The following CNTNAP2 variants were observed in gnomAD, a reference collection of about 807,000 sequenced individuals.
CNTNAP2 encodes contactin-associated protein-like 2.
In CNTNAP2, 98 loss-of-function variants were observed where a neutral mutation model predicts 155.2. The observed-to-expected ratio is 0.63, with a 90% confidence interval of 0.54 to 0.75. The LOEUF (loss-of-function observed/expected upper bound fraction) is 0.75, where lower values mean the gene tolerates loss of function less well. Among genes scored for constraint, CNTNAP2 ranks in the 30% least tolerant of loss-of-function variants. The pLI, the probability that CNTNAP2 is intolerant of heterozygous loss-of-function variation, is 0.00. For synonymous variants in CNTNAP2, 651 were observed against 631.2 expected (o/e 1.03, Z -0.47); for missense variants, 1,727 against 1,688.1 (o/e 1.02, Z -0.40).
chr7:147,315,576 G>C (rs1795213004), intron 9 of CNTNAP2, among the ~76,000 whole-genome samples: 1 of 150,332 alleles, frequency 6.7e-6, no homozygotes. Context: ...CCGCCTCCCG[G>C]GTTCACGCCA....
Position 147,044,015 on chromosome 7 carries a change from C to A in CNTNAP2, c.511C>A (p.Arg171Ser). 1.2e-6 allele frequency: 2 copies of A among 1,614,130 alleles called. No individual in the cohort carries two copies. Among genetic ancestry groups the A allele is most frequent in the Non-Finnish European group, 1.7e-6 (2 of 1,180,004 alleles). The change falls in exon 4 of 24, where the codon CGC becomes AGC. Residue 171 changes from arginine (R) to serine (S), a missense_variant. Coordinates refer to ENST00000361727, the MANE Select transcript of CNTNAP2 (RefSeq NM_014141.6). The part of the protein sequence containing the change: ...IVPLDWNGEG[R>S]IGLRIEVYGC... ...GCCTCTGGATTGGAATGGAGAAGGT[C>A]GCATTGGACTCAGAATTGAAGTTTA...
intron 19 of CNTNAP2, among the ~76,000 whole-genome samples, chr7:148,221,274 C>T (rs1437542044): frequency 6.6e-6 from 1 of 152,194 alleles, no homozygotes; most frequent in Admixed American, 6.5e-5. Context: ...CTGCACAACT[C>T]TATGAAGTAG....
intron 13 of CNTNAP2, among the ~76,000 whole-genome samples, chr7:147,696,618 T>C (rs1297231916): frequency 1.3e-5 from 2 of 152,156 alleles, no homozygotes; most frequent in Non-Finnish European, 2.9e-5. Flanking sequence ...TATGTAGATC[T>C]AGTTTCTGAC....
intron 1 of CNTNAP2, among the ~76,000 whole-genome samples, chr7:146,754,211 A>G (rs969913006): frequency 4.6e-5 from 7 of 152,008 alleles, no homozygotes; most frequent in Non-Finnish European, 1.0e-4. Flanking sequence ...CTCAAATGCT[A>G]TTTCTTCCAG....
rs573326859 is a variant in CNTNAP2 at position 148,147,225 on chromosome 7, T to A, written c.2555-266T>A. ...AGTCTCCTTATCTGGAGAGGGTCAATGATGGTCACATCTTGGAAGGCTTCT... is the reference window on the plus strand; with the variant it reads ...AGTCTCCTTATCTGGAGAGGGTCAAAGATGGTCACATCTTGGAAGGCTTCT... On this transcript the variant is annotated intron_variant, in intron 16 of 23. Coordinates refer to ENST00000361727, the MANE Select transcript of CNTNAP2 (RefSeq NM_014141.6). Among the ~76,000 whole-genome samples, 6 of 152,314 alleles carry A rather than the reference T, an allele frequency of 3.9e-5. No homozygotes were observed. In the East Asian group the frequency reaches 1.2e-3, roughly 29 times the overall value.
intron 9 of CNTNAP2, among the ~76,000 whole-genome samples, chr7:147,394,026 G>C (rs1320719271): frequency 6.6e-6 from 1 of 152,008 alleles, no homozygotes; most frequent in African/African-American, 2.4e-5. Context: ...TGGTTTGGCT[G>C]TGTCTCCACC....
At chr7:146,854,370 T>C (rs956748280) in intron 3 of CNTNAP2, among the ~76,000 whole-genome samples, 3 of 152,226 alleles carry the variant, frequency 2.0e-5, no homozygotes, top group Non-Finnish European at 4.4e-5. Flanking sequence ...TTATGTGTGC[T>C]TTTTTCCTAT....
At chr7:146,284,184 T>C (rs1028311770) in intron 1 of CNTNAP2, among the ~76,000 whole-genome samples, 4 of 152,192 alleles carry the variant, frequency 2.6e-5, no homozygotes, top group Non-Finnish European at 5.9e-5. Context: ...ATAGAAGCAT[T>C]ATTTTTCAAA....
chr7:146,387,220 T>G (rs1393174493), intron 1 of CNTNAP2, among the ~76,000 whole-genome samples: 1 of 152,168 alleles, frequency 6.6e-6, no homozygotes, highest in Non-Finnish European at 1.5e-5. Context: ...CTTTTGGGCT[T>G]TAACTTTTCT....
chr7:148,286,581 C>A (rs1797087243), intron 21 of CNTNAP2, among the ~76,000 whole-genome samples: 1 of 141,366 alleles, frequency 7.1e-6, no homozygotes, highest in African/African-American at 2.6e-5. Context: ...TTATAGAAGT[C>A]AAACCCTAAA....
intron 13 of CNTNAP2, among the ~76,000 whole-genome samples, chr7:147,692,474 A>G (rs1796101388): frequency 1.3e-5 from 2 of 152,098 alleles, no homozygotes; most frequent in Non-Finnish European, 2.9e-5. Flanking sequence ...ATTTTCACCA[A>G]CAATAATAAG....
intron 10 of CNTNAP2, among the ~76,000 whole-genome samples, chr7:147,441,842 T>TCTCC (rs1554485009): frequency 1.2e-4 from 14 of 114,488 alleles, no homozygotes; most frequent in African/African-American, 4.4e-4. Flanking sequence ...TCTCTCTCTC[T>TCTCC]CTCTCTCTCC....
chr7:147,640,880 T>C (rs1304850693), intron 13 of CNTNAP2, among the ~76,000 whole-genome samples: 1 of 152,092 alleles, frequency 6.6e-6, no homozygotes, highest in Admixed American at 6.6e-5. Context: ...TGCATAGGGC[T>C]CAGGGAATTG....
intron 15 of CNTNAP2, among the ~76,000 whole-genome samples, chr7:148,078,648 T>C (rs1161719590): frequency 6.6e-6 from 1 of 152,050 alleles, no homozygotes; most frequent in Non-Finnish European, 1.5e-5. Context: ...GCCCAGCTAA[T>C]CTTTGTATTT....
intron 3 of CNTNAP2, among the ~76,000 whole-genome samples, chr7:146,875,957 A>C (rs866781567): frequency 6.4e-4 from 91 of 141,478 alleles, no homozygotes; most frequent in African/African-American, 2.2e-3. Context: ...AAAAAAAAAA[A>C]AAAACAAAAA....
intron 20 of CNTNAP2, among the ~76,000 whole-genome samples, chr7:148,236,485 T>C (rs1796043155): frequency 6.6e-6 from 1 of 152,196 alleles, no homozygotes; most frequent in African/African-American, 2.4e-5. Flanking sequence ...CCTGAACTCA[T>C]CTGCTCCATG....
At chr7:148,263,609 C>T (rs1322850531) in intron 20 of CNTNAP2, among the ~76,000 whole-genome samples, 3 of 151,836 alleles carry the variant, frequency 2.0e-5, no homozygotes, top group Non-Finnish European at 2.9e-5. Context: ...TGGTGGCGGG[C>T]GCCTGGAGTC....
intron 18 of CNTNAP2, among the ~76,000 whole-genome samples, chr7:148,212,011 G>C (rs1005270868): frequency 1.3e-5 from 2 of 152,134 alleles, no homozygotes; most frequent in African/African-American, 4.8e-5. Context: ...GCAAAATATA[G>C]GTTGCAAAAT....
rs552182533 is a variant in CNTNAP2, at chr7:146,873,832, C to T, written c.402+33928C>T. Among the ~76,000 whole-genome samples, 65 of 152,138 alleles carry T rather than the reference C, an allele frequency of 4.3e-4. 1 individual carries two copies. The highest frequency in any genetic ancestry group is 1.0e-3 in the African/African-American group (42 of 41,510). On this transcript the variant is annotated intron_variant, in intron 3 of 23. Coordinates refer to ENST00000361727, the MANE Select transcript of CNTNAP2 (RefSeq NM_014141.6). The stretch of plus-strand genomic sequence containing the variant: ...TATTCTGTTAGTACATCATGTTTTT[C>T]GTCAAATTTTGAGTGACTATTATGT...
Sources: allele counts gnomAD v4.1 joint callset (sites outside exome capture counted in the v4.1 genomes callset), GRCh38; gene constraint gnomAD v4.1.1; transcripts MANE v1.5; gene names NCBI Gene and HGNC (gene_info 2026-07-23, HGNC 2026-07-21).